The following PIEZO2 variants were observed in gnomAD, a reference collection of about 807,000 sequenced individuals.
PIEZO2 encodes piezo type mechanosensitive ion channel component 2, also known as piezo-type mechanosensitive ion channel component 2.
A neutral mutation model predicts 337.3 loss-of-function variants in PIEZO2; 172 were observed. That is an observed-to-expected ratio of 0.51 (90% CI 0.45 to 0.58). The LOEUF is 0.58. Among genes scored for constraint, PIEZO2 ranks in the 20% least tolerant of loss-of-function variants. The pLI, the probability that PIEZO2 is intolerant of heterozygous loss-of-function variation, is 0.00. For synonymous variants in PIEZO2, 1,251 were observed against 1,228.5 expected, an observed-to-expected ratio of 1.02 and a Z score of -0.38; for missense variants, 3,028 against 3,391.3, an observed-to-expected ratio of 0.89 and a Z score of 2.66.
At chr18:11,107,188 C>G (rs888084787) in intron 1 of PIEZO2, among the ~76,000 whole-genome samples, 1 of 151,832 alleles carries the variant, frequency 6.6e-6, no homozygotes, top group Non-Finnish European at 1.5e-5. Flanking sequence ...GATATTATCC[C>G]GTAGGGTTGC....
chr18:10,698,293 C>A (rs1180767132), intron 44 of PIEZO2, among the ~76,000 whole-genome samples: 1 of 152,148 alleles, frequency 6.6e-6, no homozygotes, highest in Non-Finnish European at 1.5e-5. Flanking sequence ...CTATACACCA[C>A]TGCATGGAAA....
chr18:10,686,279 T>A (rs2078767652), intron 49 of PIEZO2, among the ~76,000 whole-genome samples: 1 of 152,228 alleles, frequency 6.6e-6, no homozygotes, highest in South Asian at 2.1e-4. Context: ...ATTCTCAGTA[T>A]TCACGTATCC....
At position 10,862,751 on chromosome 18, in the gene PIEZO2, C is replaced by T. The variant is rs1318946696; in HGVS notation, c.493-5540G>A. Among the ~76,000 whole-genome samples, 8 of 152,344 alleles carry T rather than the reference C, an allele frequency of 5.3e-5. No homozygotes were observed. Among genetic ancestry groups the T allele is most frequent in the African/African-American group, 1.9e-4 (8 of 41,582 alleles). ...GGAAGCTGTATGATTAAAGTACTCT[C>T]TGGGGTGACCTGAAGCAGCCCCTCC... On this transcript the variant is annotated intron_variant, in intron 5 of 55. Coordinates refer to ENST00000674853, the MANE Select transcript of PIEZO2 (RefSeq NM_001378183.1). The surrounding 1 kb of genome is among the most constrained non-coding windows in gnomAD (Gnocchi z 4.4).
rs373512603 is a variant in PIEZO2, at chr18:11,073,718, A to T, written c.65-7496T>A. On this transcript the variant is annotated intron_variant, in intron 1 of 55. Coordinates refer to ENST00000674853, the MANE Select transcript of PIEZO2 (RefSeq NM_001378183.1). ...TATGTGAAGATGCTACCCAAAAGTT[A>T]TCCAAAACTACGAGAGCTTTAAATG... Among the ~76,000 whole-genome samples, 19 of 152,350 alleles carry T rather than the reference A, an allele frequency of 1.2e-4. No individual in the cohort carries two copies. In the East Asian group the frequency reaches 3.1e-3, roughly 25 times the overall value.
In PIEZO2 at chr18:10,993,628, G is replaced by A. The variant is rs758881862; in HGVS notation, c.161-13968C>T. On this transcript the variant is annotated intron_variant, in intron 2 of 55. Transcript: ENST00000674853. This position sits in a 1 kb window ranked among gnomAD's most constrained non-coding sequence, Gnocchi z 5.0. ...TGCAACCTCCGCCTCCCGGGTTAAC[G>A]CCATTCTCCTGCCTCAGCCTCCTGA... is the stretch of plus-strand genomic sequence containing the variant. 8.6e-4 allele frequency among the ~76,000 whole-genome samples: 131 copies of A among 152,176 alleles called. 1 individual carries two copies. Among genetic ancestry groups the A allele is most frequent in the African/African-American group, 1.1e-3 (46 of 41,544 alleles).
intron 33 of PIEZO2, chr18:10,738,181 G>T (rs1447468754): frequency 1.3e-5 from 2 of 152,236 alleles, no homozygotes; most frequent in African/African-American, 4.8e-5. Flanking sequence ...ACATTTGATA[G>T]TGAAGAAGAC....
intron 1 of PIEZO2, among the ~76,000 whole-genome samples, chr18:11,085,433 T>G (rs1333538258): frequency 3.9e-5 from 6 of 152,162 alleles, no homozygotes; most frequent in Non-Finnish European, 8.8e-5. Context: ...CTGCCTAATT[T>G]CCTGGAATAT....
intron 24 of PIEZO2, 150 bp downstream of exon 24, chr18:10,760,761 A>G (rs1568027832): frequency 1.4e-6 from 1 of 699,006 alleles, no homozygotes; most frequent in Non-Finnish European, 2.3e-6. Flanking sequence ...AAGCCAGTTA[A>G]CCATCAGTAC....
chr18:11,019,653 T>C (rs1226043891), intron 2 of PIEZO2, among the ~76,000 whole-genome samples: 4 of 152,180 alleles, frequency 2.6e-5, no homozygotes, highest in Non-Finnish European at 1.5e-5. Context: ...GTGTTTTATA[T>C]TGATGCTCTT....
chr18:11,039,131 C>T (rs956784208), intron 2 of PIEZO2, among the ~76,000 whole-genome samples: 3 of 152,186 alleles, frequency 2.0e-5, no homozygotes, highest in Non-Finnish European at 4.4e-5. Context: ...AGAACGAATA[C>T]AACCTCTATA....
Position 10,870,163 on chromosome 18 carries a change from A to C in PIEZO2, c.492+1090T>G, listed in dbSNP as rs112495352. Among the ~76,000 whole-genome samples the C allele has an allele frequency of 0.04, 6,115 of 152,310 alleles. 160 individuals are homozygous for C. Among genetic ancestry groups the C allele is most frequent in the Non-Finnish European group, 0.056 (3,793 of 68,006 alleles). ...GGTGCTGGGATTACAGGTCTGAGCC[A>C]CAGTGCCTGGCTAGACAATATCATT... On this transcript the variant is annotated intron_variant, in intron 5 of 55. Coordinates refer to ENST00000674853, the MANE Select transcript of PIEZO2 (RefSeq NM_001378183.1). This position sits in a 1 kb window ranked among gnomAD's most constrained non-coding sequence, Gnocchi z 5.3.
chr18:10,871,286 T>G lies in PIEZO2; in HGVS notation c.459A>C (p.Ala153=). The change falls in exon 5 of 56, where the codon GCA becomes GCC. Residue 153 remains alanine, a synonymous_variant. Transcript: ENST00000674853. Reference sequence around the variant, plus strand: ...CATTTTCAAACTCCGGGTTACTCTGTGCTGCTTCGTCTGTCACAGGTTTCT... The same window carrying G: ...CATTTTCAAACTCCGGGTTACTCTGGGCTGCTTCGTCTGTCACAGGTTTCT... ...IVQKPVTDEA[A]QSNPEFENEE... 6.5e-7 allele frequency: 1 copy of G among 1,537,214 alleles called. No individual in the cohort carries two copies. The highest frequency in any genetic ancestry group is 8.7e-7 in the Non-Finnish European group (1 of 1,146,864).
At chr18:11,044,078 A>G (rs1470850075) in intron 2 of PIEZO2, among the ~76,000 whole-genome samples, 1 of 151,972 alleles carries the variant, frequency 6.6e-6, no homozygotes, top group Non-Finnish European at 1.5e-5. Flanking sequence ...GCATTTTAAT[A>G]AAGTAGGATA....
At chr18:10,745,748 T>A (rs1309094722) in intron 30 of PIEZO2, among the ~76,000 whole-genome samples, 1 of 152,122 alleles carries the variant, frequency 6.6e-6, no homozygotes, top group Non-Finnish European at 1.5e-5. Context: ...TCTCAGCAGC[T>A]GCAACTCACC....
At position 10,673,730 on chromosome 18, in the gene PIEZO2, A is replaced by G. The variant is rs888225417; in HGVS notation, c.8162-857T>C. 2.0e-5 allele frequency among the ~76,000 whole-genome samples: 3 copies of G among 152,182 alleles called. No individual in the cohort carries two copies. Among genetic ancestry groups the G allele is most frequent in the African/African-American group, 7.2e-5 (3 of 41,456 alleles). On this transcript the variant is annotated intron_variant, in intron 54 of 55. Transcript: ENST00000674853. The surrounding 1 kb of genome is among the most constrained non-coding windows in gnomAD (Gnocchi z 4.8). ...GATACTGGTGCTTCCCCTGAGAAAC[A>G]TGGTGGTGAACTATAAACTAAACTG...
intron 1 of PIEZO2, among the ~76,000 whole-genome samples, chr18:11,075,661 A>T (rs9949296): frequency 6.6e-6 from 1 of 152,058 alleles, no homozygotes; most frequent in Admixed American, 6.5e-5. Flanking sequence ...TCCCACCACC[A>T]TTCAGAAAGG....
Position 10,761,051 on chromosome 18 carries a change from A to G in PIEZO2, c.3310T>C (p.Tyr1104His). Residue 1104 changes from tyrosine to histidine, a missense_variant, in exon 24 of 56, where the codon TAC becomes CAC. This residue lies in a region of PIEZO2 where 1,925 missense variants were observed against 2,051.9 expected (regional missense o/e 0.94). Coordinates refer to ENST00000674853, the MANE Select transcript of PIEZO2 (RefSeq NM_001378183.1). ...GTCAGGTTATTTCGACCTCGATAGT[A>G]TTCCTGATGGCGGTAAATGGTGACT... ...FEVTIYRHQE[Y>H]YRGRNNLTAP... is the part of the protein sequence containing the mutation. The G allele has an allele frequency of 6.5e-7, 1 of 1,537,240 alleles. No individual in the cohort carries two copies. The highest frequency in any genetic ancestry group is 8.7e-7 in the Non-Finnish European group (1 of 1,146,860).
intron 14 of PIEZO2, 25 bp downstream of exon 14, chr18:10,791,176 C>T (rs2039398990): frequency 6.6e-7 from 1 of 1,513,636 alleles, no homozygotes; most frequent in African/African-American, 1.4e-5. Context: ...CCAAACTCTC[C>T]AGCCACACAT....
intron 3 of PIEZO2, among the ~76,000 whole-genome samples, chr18:10,934,669 G>GTGTGTT (rs1192670583): frequency 6.6e-6 from 1 of 151,438 alleles, no homozygotes; most frequent in Non-Finnish European, 1.5e-5. Flanking sequence ...GTGTGTGTGT[G>GTGTGTT]TGTGTGTGTG....
Sources: gnomAD v4.1 joint callset for allele counts (sites outside exome capture counted in the v4.1 genomes callset) on GRCh38, gnomAD v4.1.1 for gene constraint, gnomAD v4.1.1 regional missense constraint, Gnocchi (gnomAD v3.1) non-coding constraint, MANE v1.5 for transcripts, NCBI Gene and HGNC (gene_info 2026-07-23, HGNC 2026-07-21) for gene names.